DAB1: variants seen among roughly 807,000 people sequenced by gnomAD.
DAB1 encodes DAB adaptor protein 1, also known as disabled homolog 1.
In DAB1, 15 loss-of-function variants were observed where a neutral mutation model predicts 64.6. That is an observed-to-expected ratio of 0.23 (90% confidence interval 0.16 to 0.36). The LOEUF (loss-of-function observed/expected upper bound fraction) is 0.36. Among genes scored for constraint, DAB1 ranks in the 10% least tolerant of loss-of-function variants. The pLI is 1.00. For missense variants in DAB1, 596 were observed against 706.7 expected, an observed-to-expected ratio of 0.84 and a Z score of 1.78; for synonymous variants, 235 against 251.9, an observed-to-expected ratio of 0.93 and a Z score of 0.64.
At chr1:58,373,935 G>A (rs370573483) in intron 3 of DAB1, among the ~76,000 whole-genome samples, 11 of 149,686 alleles carry the variant, frequency 7.3e-5, no homozygotes, top group East Asian at 5.9e-4. Flanking sequence ...GCCAGTGATG[G>A]TGAGCATTTT....
chr1:57,834,920 T>C (rs981962706), intron 1 of DAB1, among the ~76,000 whole-genome samples: 7 of 152,122 alleles, frequency 4.6e-5, no homozygotes, highest in Non-Finnish European at 1.0e-4. Flanking sequence ...AAGTCTATTT[T>C]CCCCACCTTT....
intron 7 of DAB1, among the ~76,000 whole-genome samples, chr1:57,516,907 C>T (rs910979756): frequency 3.3e-5 from 5 of 152,134 alleles, no homozygotes; most frequent in Admixed American, 2.0e-4. Context: ...TTATCAAGAA[C>T]CCTACTAAGT....
chr1:58,393,809 C>T (rs1342528765), intron 3 of DAB1, among the ~76,000 whole-genome samples: 1 of 152,054 alleles, frequency 6.6e-6, no homozygotes, highest in African/African-American at 2.4e-5. Context: ...ATCTATCACA[C>T]AGAATAGTGA....
intron 5 of DAB1, among the ~76,000 whole-genome samples, chr1:58,031,313 G>A (rs911100108): frequency 1.3e-5 from 2 of 152,194 alleles, no homozygotes; most frequent in Non-Finnish European, 2.9e-5. Flanking sequence ...AGTTTTGAAT[G>A]TTAAGATTTG....
At chr1:58,151,455 T>C (rs60404864) in intron 4 of DAB1, among the ~76,000 whole-genome samples, 31,554 of 152,180 alleles carry the variant, frequency 0.21, 3,736 homozygotes, top group East Asian at 0.42. Context: ...GATGAGAGCA[T>C]TTTTTCATGT....
chr1:57,072,686 A>T (rs1224798453), intron 4 of DAB1, among the ~76,000 whole-genome samples: 1 of 152,240 alleles, frequency 6.6e-6, no homozygotes, highest in Non-Finnish European at 1.5e-5. Context: ...TGCTAGAGCC[A>T]GCCAGTTTAA....
At chr1:57,558,005 T>A (rs1401856847) in intron 7 of DAB1, among the ~76,000 whole-genome samples, 4 of 127,416 alleles carry the variant, frequency 3.1e-5, no homozygotes, top group Non-Finnish European at 6.8e-5. Flanking sequence ...TTCTATCATG[T>A]GAGTGGCTGA....
intron 9 of DAB1, 149 bp from the exon 10 acceptor site, chr1:57,026,192 C>A: frequency 1.6e-6 from 1 of 611,512 alleles, no homozygotes; most frequent in Non-Finnish European, 2.9e-6. Flanking sequence ...TACTATACCT[C>A]AGGATCCCAA....
At chr1:58,301,039 T>C (rs1662157661) in intron 4 of DAB1, among the ~76,000 whole-genome samples, 1 of 152,130 alleles carries the variant, frequency 6.6e-6, no homozygotes, top group East Asian at 1.9e-4. Flanking sequence ...GGCTACTTAG[T>C]GGCCATGAAT....
At chr1:58,282,178 G>A (rs1445228368) in intron 4 of DAB1, among the ~76,000 whole-genome samples, 1 of 152,126 alleles carries the variant, frequency 6.6e-6, no homozygotes, top group Non-Finnish European at 1.5e-5. Flanking sequence ...TATCTTAAGT[G>A]TTTCTTCCCC....
intron 3 of DAB1, among the ~76,000 whole-genome samples, chr1:58,434,784 C>G (rs75192897): frequency 0.032 from 4,836 of 152,262 alleles, 136 homozygotes; most frequent in African/African-American, 0.076. Flanking sequence ...GAAAATTAAA[C>G]AAAGTGCATC....
At chr1:57,945,405 A>C (rs1451441990) in intron 5 of DAB1, among the ~76,000 whole-genome samples, 2 of 150,816 alleles carry the variant, frequency 1.3e-5, no homozygotes, top group Non-Finnish European at 2.9e-5. Context: ...GACTACAGGC[A>C]TATACCACCA....
intron 9 of DAB1, among the ~76,000 whole-genome samples, chr1:57,037,487 A>G (rs1647208556): frequency 6.6e-6 from 1 of 152,222 alleles, no homozygotes; most frequent in African/African-American, 2.4e-5. Flanking sequence ...AAGGCTGAAA[A>G]ACAAAAAACA....
chr1:57,986,006 T>A (rs1194536601), intron 5 of DAB1, among the ~76,000 whole-genome samples: 1 of 152,166 alleles, frequency 6.6e-6, no homozygotes, highest in Non-Finnish European at 1.5e-5. Context: ...TCAGAGAGAT[T>A]AACCAACATG....
At chr1:57,821,681 G>A (rs1170536903), downstream of DAB1, among the ~76,000 whole-genome samples, 1 of 152,150 alleles carries the variant, frequency 6.6e-6, no homozygotes, top group Admixed American at 6.5e-5. Flanking sequence ...GCAACCCACA[G>A]GTTAGATGCA....
At chr1:57,651,768 T>C (rs909071515) in intron 6 of DAB1, among the ~76,000 whole-genome samples, 2 of 152,234 alleles carry the variant, frequency 1.3e-5, no homozygotes, top group African/African-American at 4.8e-5. Context: ...TCTTCCTTTA[T>C]ATTATATGCC....
chr1:58,203,731 A>C, intron 4 of DAB1, among the ~76,000 whole-genome samples: 1 of 152,166 alleles, frequency 6.6e-6, no homozygotes, highest in East Asian at 1.9e-4. Flanking sequence ...ATGTCATATA[A>C]CATTGATCAA....
intron 7 of DAB1, among the ~76,000 whole-genome samples, chr1:57,641,169 G>A (rs558748314): frequency 6.6e-6 from 1 of 152,206 alleles, no homozygotes; most frequent in Non-Finnish European, 1.5e-5. Flanking sequence ...GCCTGGGAGT[G>A]GAGGTGGGAT....
rs72910477 is a variant in DAB1, at chr1:58,253,479, A to G, written n.309+89873T>C. On this transcript the variant is annotated intron_variant and non_coding_transcript_variant, in intron 4 of 20. Coordinates refer to the DAB1 transcript ENST00000485760. ...TGTGTCACTGAATGTGGAATTAAGA[A>G]GAGGTGTGCACGGTCAGTTATTGTG... Among the ~76,000 whole-genome samples, 1,070 of 152,344 alleles carry G rather than the reference A, an allele frequency of 7.0e-3. 14 individuals carry two copies. Among genetic ancestry groups the G allele is most frequent in the African/African-American group, 0.024 (1,001 of 41,576 alleles).
Sources: gnomAD v4.1 joint callset for allele counts (sites outside exome capture counted in the v4.1 genomes callset) on GRCh38, gnomAD v4.1.1 for gene constraint, MANE v1.5 for transcripts, NCBI Gene and HGNC (gene_info 2026-07-23, HGNC 2026-07-21) for gene names.